Variants in CSMD1 observed in about 807,000 individuals in gnomAD.
CSMD1 encodes the protein CUB and sushi domain-containing protein 1.
A neutral mutation model predicts 417.5 loss-of-function variants in CSMD1; 213 were observed. That is an observed-to-expected ratio of 0.51 (90% CI 0.46 to 0.57). CSMD1 has a LOEUF of 0.57. CSMD1 is among the 20% of genes least tolerant of loss of function. CSMD1 has a pLI of 0.00. For synonymous variants in CSMD1, 2,862 were observed against 1,736.8 expected (o/e 1.65, Z -16.11); for missense variants, 6,923 against 4,529.7 (o/e 1.53, Z -15.17).
rs144273534 is a variant in CSMD1, at chr8:4,287,364, T to A, written c.415+132589A>T. On this transcript the variant is annotated intron_variant, in intron 3 of 69. Coordinates refer to ENST00000635120, the MANE Select transcript of CSMD1 (RefSeq NM_033225.6). ...TGATACTTTTTAAGAAAGCACACAA[T>A]CTAGAGGAACAATGTAATGGAACAA... Among the ~76,000 whole-genome samples, 69 of 152,290 alleles carry A rather than the reference T, an allele frequency of 4.5e-4. No homozygotes were observed. The South Asian group carries it at 4.6e-3, about 10-fold the overall frequency.
At chr8:4,516,754 T>A (rs953644823) in intron 2 of CSMD1, among the ~76,000 whole-genome samples, 1 of 152,200 alleles carries the variant, frequency 6.6e-6, no homozygotes, top group South Asian at 2.1e-4. Flanking sequence ...ACAAGGTCCC[T>A]TTGCATTTGG....
At chr8:3,548,560 C>T (rs1248733176) in intron 10 of CSMD1, among the ~76,000 whole-genome samples, 2 of 151,392 alleles carry the variant, frequency 1.3e-5, no homozygotes, top group Non-Finnish European at 2.9e-5. Flanking sequence ...GTTTTCCATT[C>T]CTGAGTTACT....
intron 7 of CSMD1, among the ~76,000 whole-genome samples, chr8:3,622,069 C>T (rs1796279470): frequency 6.6e-6 from 1 of 151,790 alleles, no homozygotes; most frequent in Non-Finnish European, 1.5e-5. Flanking sequence ...CTTTTCTCTT[C>T]AAGCCCATGT....
At chr8:4,836,236 T>C (rs955406552) in intron 1 of CSMD1, among the ~76,000 whole-genome samples, 4 of 152,244 alleles carry the variant, frequency 2.6e-5, no homozygotes, top group Non-Finnish European at 5.9e-5. Context: ...GTTAATTAAC[T>C]ACCATGACTC....
intron 30 of CSMD1, among the ~76,000 whole-genome samples, chr8:3,207,603 A>C (rs4875111): frequency 0.79 from 120,262 of 152,008 alleles, 47,698 homozygotes; most frequent in Non-Finnish European, 0.81. Context: ...GGATAAGGCA[A>C]CTTGTTAATG....
chr8:4,772,112 G>T (rs56134785), intron 1 of CSMD1, among the ~76,000 whole-genome samples: 2 of 152,228 alleles, frequency 1.3e-5, no homozygotes, highest in Admixed American at 1.3e-4. Flanking sequence ...AGGCTTCCAG[G>T]GTCATTTGGG....
intron 3 of CSMD1, among the ~76,000 whole-genome samples, chr8:4,380,498 G>C (rs1312031143): frequency 6.6e-6 from 1 of 152,176 alleles, no homozygotes; most frequent in African/African-American, 2.4e-5. Flanking sequence ...GAAAACCTGA[G>C]AAACCGTCAC....
At chr8:4,765,216 T>C (rs1458241492) in intron 1 of CSMD1, among the ~76,000 whole-genome samples, 2 of 152,146 alleles carry the variant, frequency 1.3e-5, no homozygotes, top group East Asian at 1.9e-4. Context: ...AAAAATGGCA[T>C]AGCTCTTACC....
chr8:4,481,426 G>A (rs2195638), intron 2 of CSMD1, among the ~76,000 whole-genome samples: 1 of 152,202 alleles, frequency 6.6e-6, no homozygotes, highest in Admixed American at 6.5e-5. Flanking sequence ...TGAATTGGCA[G>A]TGTTTTATTT....
At position 3,201,644 on chromosome 8, in the gene CSMD1, C is replaced by G. The variant is rs766270586; in HGVS notation, c.5066G>C (p.Arg1689Thr). 5.6e-6 allele frequency: 9 copies of G among 1,605,462 alleles called. No individual in the cohort carries two copies. The South Asian group carries it at 5.6e-5, about 10-fold the overall frequency. The change falls in exon 32 of 70, where the codon AGA (arginine) becomes ACA (threonine). Residue 1689 changes from arginine (R) to threonine (T), a missense_variant. Arg to Thr is a moderately conservative substitution (Grantham distance 71, BLOSUM62 -1). Coordinates refer to ENST00000635120, the MANE Select transcript of CSMD1 (RefSeq NM_033225.6). The part of the protein sequence containing the change: ...ELFDGTHAQA[R>T]LLSSLSGSHS... ...AGACCCCGAGAGTGAGCTGAGAAGT[C>G]TGGCCTGTGCATGGGTTCCATCAAA... is the stretch of plus-strand genomic sequence containing the variant.
chr8:4,034,365 C>G (rs1385022200), intron 3 of CSMD1, among the ~76,000 whole-genome samples: 1 of 152,130 alleles, frequency 6.6e-6, no homozygotes, highest in Non-Finnish European at 1.5e-5. Flanking sequence ...GAAGTAATTT[C>G]TGAGAGCAGT....
At chr8:3,807,904 T>C (rs1800836348) in intron 5 of CSMD1, among the ~76,000 whole-genome samples, 1 of 152,148 alleles carries the variant, frequency 6.6e-6, no homozygotes, top group African/African-American at 2.4e-5. Context: ...TGCCAAGTAA[T>C]CACATAGAAA....
intron 2 of CSMD1, among the ~76,000 whole-genome samples, chr8:4,524,584 TTTTGG>T (rs1379404412): frequency 6.6e-5 from 10 of 151,514 alleles, no homozygotes; most frequent in Middle Eastern, 3.4e-3. Context: ...TTTTTTTTTT[TTTTGG>T]TTTGGTTTGG....
At chr8:3,343,739 C>A (rs185489118) in intron 22 of CSMD1, among the ~76,000 whole-genome samples, 1 of 152,164 alleles carries the variant, frequency 6.6e-6, no homozygotes, top group East Asian at 1.9e-4. Context: ...ATAAATATTT[C>A]TTTACATTTC....
chr8:4,065,655 G>A (rs1018038186), intron 3 of CSMD1, among the ~76,000 whole-genome samples: 2 of 152,162 alleles, frequency 1.3e-5, no homozygotes, highest in African/African-American at 4.8e-5. Context: ...ATGCCTTTTA[G>A]CCATGACACT....
chr8:3,000,100 C>T lies in CSMD1; in HGVS notation c.8061G>A (p.Val2687=). The T allele has an allele frequency of 6.4e-7, 1 of 1,572,156 alleles. No homozygotes were observed. Among genetic ancestry groups the T allele is most frequent in the South Asian group, 1.2e-5 (1 of 85,254 alleles). ...AGCCATCTCCACTAATGTGACCGTT[C>T]ACAATCGGGTCTGGGGAACCGCAGT... is the stretch of plus-strand genomic sequence containing the variant. The part of the protein sequence containing the change: ...AGHCGSPDPI[V]NGHISGDGFS... Residue 2687 remains valine (V), a synonymous_variant, in exon 53 of 70, where the codon GTG becomes GTA. Coordinates refer to ENST00000635120, the MANE Select transcript of CSMD1 (RefSeq NM_033225.6).
At chr8:4,453,394 G>A (rs533506257) in intron 2 of CSMD1, among the ~76,000 whole-genome samples, 1 of 152,310 alleles carries the variant, frequency 6.6e-6, no homozygotes, top group African/African-American at 2.4e-5. Flanking sequence ...ACTTGGTGCT[G>A]AAGTCAGGAG....
intron 48 of CSMD1, among the ~76,000 whole-genome samples, chr8:3,089,752 T>TTCTCTC (rs61677108): frequency 1.3e-5 from 2 of 151,102 alleles, no homozygotes; most frequent in Non-Finnish European, 3.0e-5. Flanking sequence ...CTGCCTCTCT[T>TTCTCTC]TCTCTCTCTC....
At chr8:4,504,898 T>A (rs2130305688) in intron 2 of CSMD1, among the ~76,000 whole-genome samples, 1 of 152,310 alleles carries the variant, frequency 6.6e-6, no homozygotes, top group Non-Finnish European at 1.5e-5. Flanking sequence ...GGCATTTGGG[T>A]TGGTTCCAAG....
Sources: allele counts gnomAD v4.1 joint callset (sites outside exome capture counted in the v4.1 genomes callset), GRCh38; gene constraint gnomAD v4.1.1; transcripts MANE v1.5; gene names NCBI Gene and HGNC (gene_info 2026-07-23, HGNC 2026-07-21).